Variants in RGS12 observed in about 807,000 individuals in gnomAD.
RGS12 encodes regulator of G-protein signaling 12.
Under a neutral mutation model 120.1 loss-of-function variants are expected in RGS12, and 66 were observed. That is an observed-to-expected ratio of 0.55 (90% CI 0.45 to 0.67). The LOEUF (loss-of-function observed/expected upper bound fraction) is 0.67, where lower values mean the gene tolerates loss of function less well. Among genes scored for constraint, RGS12 ranks in the 30% least tolerant of loss-of-function variants. The probability of loss-of-function intolerance (pLI) is 0.00; values close to 1 mark genes in which losing one functional copy is unlikely to be tolerated. For missense variants in RGS12, 1,859 were observed against 1,957.7 expected (o/e 0.95, Z 0.95); for synonymous variants, 827 against 804.7 (o/e 1.03, Z -0.47).
intron 2 of RGS12, among the ~76,000 whole-genome samples, chr4:3,328,554 G>A (rs1725718896): frequency 6.6e-6 from 1 of 152,186 alleles, no homozygotes; most frequent in African/African-American, 2.4e-5. Context: ...CCAGGACGGT[G>A]ATGAATACAT....
At chr4:3,371,590 G>A (rs964886105) in intron 3 of RGS12, among the ~76,000 whole-genome samples, 3 of 152,178 alleles carry the variant, frequency 2.0e-5, no homozygotes, top group African/African-American at 7.2e-5. Context: ...GTTCACGGGA[G>A]TGTATTGGAA....
chr4:3,337,733 G>A (rs1056947755), intron 2 of RGS12, among the ~76,000 whole-genome samples: 1 of 152,202 alleles, frequency 6.6e-6, no homozygotes, highest in Non-Finnish European at 1.5e-5. Flanking sequence ...GCAGAGCTTC[G>A]TTCTGGGAAG....
intron 1 of RGS12, among the ~76,000 whole-genome samples, chr4:3,296,336 C>A (rs1412756810): frequency 6.6e-6 from 1 of 151,968 alleles, no homozygotes; most frequent in Non-Finnish European, 1.5e-5. Flanking sequence ...CATGTGCCAC[C>A]ATGCCCAGCT....
At chr4:3,332,707 T>C (rs1711996985) in intron 2 of RGS12, among the ~76,000 whole-genome samples, 1 of 152,246 alleles carries the variant, frequency 6.6e-6, no homozygotes, top group Admixed American at 6.5e-5. Flanking sequence ...AGACGCTGGC[T>C]GTTAGTCCCT....
Position 3,437,206 on chromosome 4 carries a change from T to G in RGS12, c.4115-2249T>G, listed in dbSNP as rs184848564. 1.5e-4 allele frequency among the ~76,000 whole-genome samples: 23 copies of G among 152,182 alleles called. No homozygotes were observed. In the East Asian group the frequency reaches 4.1e-3, roughly 27 times the overall value. The stretch of plus-strand genomic sequence containing the variant: ...CACAGGAGGGCGAGGCTGGCTCCCG[T>G]AGGCAGGAAGGGCCTGGCTGTGGCC... On this transcript the variant is annotated intron_variant, in intron 17 of 17. Coordinates refer to ENST00000336727, the MANE Select transcript of RGS12 (RefSeq NM_001394154.1).
At chr4:3,362,108 G>T (rs1038773849) in intron 3 of RGS12, among the ~76,000 whole-genome samples, 5 of 151,952 alleles carry the variant, frequency 3.3e-5, no homozygotes, top group Admixed American at 6.6e-5. Context: ...GTGCACTTGG[G>T]TTTTGTTCAC....
Position 3,317,802 on chromosome 4 carries a change from G to A in RGS12, c.1632G>A (p.Arg544=). ...NQRWLPVHVL[R]EWQCGHTSDQ... is the part of the protein sequence containing the mutation. ...GCTGGCTCCCGGTCCACGTGCTCCG[G>A]GAGTGGCAGTGCGGACACACCAGCG... The change falls in exon 2 of 18, where the codon CGG becomes CGA. Residue 544 remains arginine, a synonymous_variant. Transcript: ENST00000336727. The A allele has an allele frequency of 6.2e-7, 1 of 1,613,360 alleles. No individual in the cohort carries two copies.
intron 4 of RGS12, among the ~76,000 whole-genome samples, chr4:3,405,445 A>G (rs1191633725): frequency 6.6e-6 from 1 of 152,214 alleles, no homozygotes; most frequent in Non-Finnish European, 1.5e-5. Context: ...AAAAATAACC[A>G]GCCTCTGTCA....
At chr4:3,290,472 G>A (rs553953183), upstream of RGS12, among the ~76,000 whole-genome samples, 1 of 152,292 alleles carries the variant, frequency 6.6e-6, no homozygotes, top group African/African-American at 2.4e-5. Context: ...GACAGTATCT[G>A]TCCTTTGTGA....
intron 1 of RGS12, among the ~76,000 whole-genome samples, chr4:3,295,323 T>C (rs1441962231): frequency 1.3e-5 from 2 of 152,108 alleles, no homozygotes; most frequent in African/African-American, 4.8e-5. Context: ...GTGGATCACA[T>C]TGACTTTGGA....
intron 9 of RGS12, 60 bp downstream of exon 9, chr4:3,417,601 G>A: frequency 6.3e-7 from 1 of 1,576,142 alleles, no homozygotes; most frequent in Non-Finnish European, 8.7e-7. Context: ...CCCCGTCCTG[G>A]CGTCGCTCTG....
At chr4:3,415,203 T>C (rs1241631899) in intron 6 of RGS12, among the ~76,000 whole-genome samples, 5 of 148,630 alleles carry the variant, frequency 3.4e-5, no homozygotes, top group Non-Finnish European at 7.4e-5. Flanking sequence ...GAGGGCCGCG[T>C]GTGTGTGAGA....
At chr4:3,393,300 G>A (rs987021108) in intron 4 of RGS12, among the ~76,000 whole-genome samples, 6 of 152,198 alleles carry the variant, frequency 3.9e-5, no homozygotes, top group Non-Finnish European at 7.3e-5. Flanking sequence ...AGCTGTTCCC[G>A]CCGCAGCCCC....
intron 2 of RGS12, among the ~76,000 whole-genome samples, chr4:3,341,985 A>G (rs187326422): frequency 2.5e-4 from 38 of 150,378 alleles, no homozygotes; most frequent in Admixed American, 2.3e-3. Context: ...TGAGGACATG[A>G]TGGGGTGTGT....
intron 4 of RGS12, among the ~76,000 whole-genome samples, chr4:3,408,398 T>C (rs1487569218): frequency 6.6e-6 from 1 of 152,204 alleles, no homozygotes; most frequent in East Asian, 1.9e-4. Flanking sequence ...TTGAGCCACG[T>C]AGCAAAGAAA....
At chr4:3,425,742 G>A (rs1293655772) in intron 14 of RGS12, among the ~76,000 whole-genome samples, 182 bp downstream of exon 14, 2 of 57,806 alleles carry the variant, frequency 3.5e-5, no homozygotes. Context: ...TGGGGCCAGC[G>A]CAGGGGAGGG....
chr4:3,417,141 A>G (rs1482102870), intron 8 of RGS12, 49 bp downstream of exon 8: 28 of 1,518,992 alleles, frequency 1.8e-5, no homozygotes, highest in Non-Finnish European at 2.5e-5. Context: ...GTGTGTCATC[A>G]GCTGAGAGCT....
chr4:3,382,590 C>T (rs1259938151), intron 3 of RGS12, among the ~76,000 whole-genome samples: 1 of 152,176 alleles, frequency 6.6e-6, no homozygotes, highest in Admixed American at 6.5e-5. Context: ...CAGGAGTTCT[C>T]CACAGTCGTT....
At chr4:3,342,892 C>G in intron 2 of RGS12, 45 bp from the exon 3 acceptor site, 3 of 1,305,704 alleles carry the variant, frequency 2.3e-6, no homozygotes, top group Non-Finnish European at 3.3e-6. Flanking sequence ...GACTAAACAT[C>G]TCTTTGCAAA....
Sources: gnomAD v4.1 joint callset for allele counts (sites outside exome capture counted in the v4.1 genomes callset) on GRCh38, gnomAD v4.1.1 for gene constraint, MANE v1.5 for transcripts, NCBI Gene and HGNC (gene_info 2026-07-23, HGNC 2026-07-21) for gene names.